Variants in MAP3K1 observed in about 807,000 individuals in gnomAD.
MAP3K1 encodes the protein MAP/ERK kinase kinase 1.
MAP3K1 carries 36 observed loss-of-function variants against 144.2 expected under a neutral mutation model. The ratio of observed to expected loss-of-function variants is 0.25; its 90% CI spans 0.19 to 0.33. MAP3K1 has a LOEUF of 0.33. Ranked by LOEUF, MAP3K1 falls within the 10% of genes least tolerant of loss-of-function variation. MAP3K1 has a pLI of 1.00. For missense variants in MAP3K1, 1,650 were observed against 1,881.9 expected (o/e 0.88, Z 2.28); for synonymous variants, 718 against 688.7 (o/e 1.04, Z -0.67).
intron 3 of MAP3K1, among the ~76,000 whole-genome samples, chr5:56,860,864 GAAAA>G (rs1229627390): frequency 7.6e-6 from 1 of 131,766 alleles, no homozygotes; most frequent in Non-Finnish European, 1.7e-5. Context: ...AAAAAAAAAA[GAAAA>G]AAAGAAAAGC....
chr5:56,877,341 A>G (rs1380459360), intron 10 of MAP3K1, among the ~76,000 whole-genome samples: 1 of 152,060 alleles, frequency 6.6e-6, no homozygotes, highest in Non-Finnish European at 1.5e-5. Flanking sequence ...GTTTCTTCTT[A>G]AGTTCAGACT....
intron 1 of MAP3K1, among the ~76,000 whole-genome samples, chr5:56,836,842 A>G (rs1393247114): frequency 1.3e-5 from 2 of 152,196 alleles, no homozygotes; most frequent in African/African-American, 4.8e-5. Context: ...GGAACAGTGA[A>G]CACAATCGAT....
intron 13 of MAP3K1, 36 bp downstream of exon 13, chr5:56,881,308 T>C: frequency 6.5e-7 from 1 of 1,547,332 alleles, no homozygotes; most frequent in Non-Finnish European, 8.9e-7. Flanking sequence ...ACTTGTATCT[T>C]CCTACCCTCC....
intron 1 of MAP3K1, among the ~76,000 whole-genome samples, chr5:56,845,420 CA>C (rs149739788): frequency 0.022 from 3,354 of 152,256 alleles, 121 homozygotes; most frequent in African/African-American, 0.077. Flanking sequence ...CTGTGCCATG[CA>C]TTCTGTACCA....
chr5:56,830,178 T>C (rs1746443033), intron 1 of MAP3K1, among the ~76,000 whole-genome samples: 1 of 152,230 alleles, frequency 6.6e-6, no homozygotes, highest in Non-Finnish European at 1.5e-5. Flanking sequence ...TAATGCTTTC[T>C]TCTTGTTGAG....
intron 18 of MAP3K1, chr5:56,888,014 T>C: frequency 1.7e-6 from 1 of 588,252 alleles, no homozygotes; most frequent in South Asian, 2.0e-5. Context: ...GTGATGGGAC[T>C]CTGCTTCAGA....
intron 1 of MAP3K1, among the ~76,000 whole-genome samples, chr5:56,843,657 T>G (rs1022516101): frequency 1.3e-5 from 2 of 152,150 alleles, no homozygotes; most frequent in Non-Finnish European, 2.9e-5. Context: ...CTGCTAGTGG[T>G]TGGATTGGGC....
Position 56,873,016 on chromosome 5 carries a change from CTTTG to C in MAP3K1, c.1686+15_1686+18del. ...GAGCCATGGATTCAGGTAAGTAGTT[CTTTG>C]TTTTTCATTTCTCAAAGAAATATTT... On this transcript the variant is annotated intron_variant, in intron 9 of 19. Coordinates refer to ENST00000399503, the MANE Select transcript of MAP3K1 (RefSeq NM_005921.2). The C allele has an allele frequency of 6.2e-7, 1 of 1,610,354 alleles. No individual in the cohort carries two copies. Among genetic ancestry groups the C allele is most frequent in the Non-Finnish European group, 8.5e-7 (1 of 1,177,240 alleles).
intron 1 of MAP3K1, among the ~76,000 whole-genome samples, chr5:56,848,586 A>G (rs1333313847): frequency 6.6e-6 from 1 of 152,178 alleles, no homozygotes; most frequent in East Asian, 1.9e-4. Context: ...TGTTTACAGT[A>G]TGATTATCTA....
rs1748688078 is a variant in MAP3K1, at chr5:56,895,900, T to C, written c.*2220T>C. The C allele has an allele frequency of 4.3e-6, 1 of 230,436 alleles. No homozygotes were observed. 14.3% of individuals were successfully genotyped at this position (230,436 alleles called of 1,614,324 possible). ...TTTCACAATGAAATTATATTTGCTG[T>C]GTGACTATGATTCCTAAGATTTCCA... On this transcript the variant is annotated 3_prime_UTR_variant, in exon 20 of 20. Transcript: ENST00000399503.
chr5:56,870,999 C>T (rs887128063), intron 6 of MAP3K1, among the ~76,000 whole-genome samples: 1 of 152,084 alleles, frequency 6.6e-6, no homozygotes, highest in Non-Finnish European at 1.5e-5. Context: ...CAGATGTTAC[C>T]AATCTATTAT....
chr5:56,866,464 TGTGA>T (rs1747677242), intron 6 of MAP3K1, among the ~76,000 whole-genome samples: 1 of 152,184 alleles, frequency 6.6e-6, no homozygotes, highest in South Asian at 2.1e-4. Flanking sequence ...TTAAAGGTCA[TGTGA>T]GTGTGTGTGT....
chr5:56,866,627 A>G (rs928819273), intron 6 of MAP3K1, among the ~76,000 whole-genome samples: 10 of 152,176 alleles, frequency 6.6e-5, no homozygotes, highest in African/African-American at 2.2e-4. Context: ...GGCACCTTCT[A>G]TGTTATTCCC....
intron 10 of MAP3K1, 34 bp from the exon 11 acceptor site, chr5:56,878,946 G>A (rs1001828080): frequency 1.9e-6 from 3 of 1,610,016 alleles, no homozygotes; most frequent in African/African-American, 2.7e-5. Context: ...CTTTTTAAGT[G>A]TACATAAACT....
At chr5:56,881,302 G>A (rs1748199084) in intron 13 of MAP3K1, 30 bp downstream of exon 13, 2 of 1,573,022 alleles carry the variant, frequency 1.3e-6, no homozygotes, top group East Asian at 2.2e-5. Flanking sequence ...TGTATTACTT[G>A]TATCTTCCTA....
intron 1 of MAP3K1, among the ~76,000 whole-genome samples, chr5:56,825,673 G>T (rs1746290354): frequency 6.6e-6 from 1 of 152,136 alleles, no homozygotes; most frequent in Non-Finnish European, 1.5e-5. Flanking sequence ...TTACTCTTCT[G>T]GCTTTCACAC....
chr5:56,819,163 A>G (rs1746076317), intron 1 of MAP3K1, among the ~76,000 whole-genome samples: 1 of 152,234 alleles, frequency 6.6e-6, no homozygotes, highest in Non-Finnish European at 1.5e-5. Flanking sequence ...TATAAGAGCT[A>G]GAATTGTTGC....
rs1486203483 is a variant in MAP3K1, at chr5:56,881,962, G to A, written c.2762G>A (p.Ser921Asn). The change falls in exon 14 of 20, where the codon AGT (serine) becomes AAT (asparagine). Residue 921 changes from serine to asparagine, a missense_variant. Transcript: ENST00000399503. ...AAAGGATTATGTGCTACAAAATTGA[G>A]TGCCAGTTCAGAGGACATTTCTGAG... ...TGKGLCATKL[S>N]ASSEDISERL... is the part of the protein sequence containing the mutation. 6.2e-7 allele frequency: 1 copy of A among 1,614,040 alleles called. No individual in the cohort carries two copies. Among genetic ancestry groups the A allele is most frequent in the Non-Finnish European group, 8.5e-7 (1 of 1,180,040 alleles).
At position 56,815,554 on chromosome 5, in the gene MAP3K1, A is replaced by T. The variant is rs374897409; in HGVS notation, c.-20A>T. 70 of 1,289,502 alleles carry T rather than the reference A, an allele frequency of 5.4e-5. No individual in the cohort carries two copies. In the East Asian group the frequency reaches 2.0e-3, roughly 37 times the overall value. 79.9% of individuals were successfully genotyped at this position (1,289,502 alleles called of 1,614,324 possible). A position where few individuals can be genotyped will look rare whatever the true frequency, so the allele number is the denominator to read the frequency against. The stretch of plus-strand genomic sequence containing the variant: ...CTCCCTCCCTCGCAGGGGCCGAGCG[A>T]ATGTAGCCCGCGAGAGAAAATGGCG... On this transcript the variant is annotated 5_prime_UTR_variant, in exon 1 of 20. Transcript: ENST00000399503.
Sources: allele counts gnomAD v4.1 joint callset (sites outside exome capture counted in the v4.1 genomes callset), GRCh38; gene constraint gnomAD v4.1.1; transcripts MANE v1.5; gene names NCBI Gene and HGNC (gene_info 2026-07-23, HGNC 2026-07-21).